GNB4: variants seen among roughly 807,000 people sequenced by gnomAD.
GNB4 encodes the protein G protein subunit beta 4.
GNB4 carries 28 observed loss-of-function variants against 45.2 expected under a neutral mutation model. The ratio of observed to expected loss-of-function variants is 0.62; its 90% CI spans 0.46 to 0.85. The LOEUF is 0.85. Among genes scored for constraint, GNB4 ranks in the 40% least tolerant of loss-of-function variants. The pLI is 0.00. For synonymous variants in GNB4, 132 were observed against 143.7 expected (o/e 0.92, Z 0.58); for missense variants, 321 against 425.4 (o/e 0.75, Z 2.16).
At chr3:179,521,803 C>CT in the GNB4 span, among the ~76,000 whole-genome samples, 1 of 150,850 alleles carries the variant, frequency 6.6e-6, no homozygotes, top group African/African-American at 2.4e-5. Flanking sequence ...TCATTCCATT[C>CT]TTTTTTAATT....
At chr3:179,499,615 G>GT in the GNB4 span, among the ~76,000 whole-genome samples, 5 of 152,198 alleles carry the variant, frequency 3.3e-5, no homozygotes, top group Non-Finnish European at 7.3e-5. Flanking sequence ...CCAGTAATGG[G>GT]ATTGCTGGGT....
intron 1 of GNB4, among the ~76,000 whole-genome samples, chr3:179,448,175 A>C (rs1715785079): frequency 6.6e-6 from 1 of 152,218 alleles, no homozygotes; most frequent in African/African-American, 2.4e-5. Context: ...TTTTTGAAGC[A>C]AAGCTGCATT....
At chr3:179,511,833 C>T in the GNB4 span, among the ~76,000 whole-genome samples, 1 of 152,226 alleles carries the variant, frequency 6.6e-6, no homozygotes, top group Non-Finnish European at 1.5e-5. Context: ...GTTATTTTGG[C>T]ATTGGTATAC....
At chr3:179,464,656 A>G in the GNB4 span, 1 of 1,104,736 alleles carries the variant, frequency 9.1e-7, no homozygotes. Context: ...ACAATTGTGA[A>G]ACCAGCTTCA....
chr3:179,430,852 T>C (rs540757386), intron 1 of GNB4, among the ~76,000 whole-genome samples: 3 of 152,144 alleles, frequency 2.0e-5, no homozygotes, highest in Admixed American at 1.3e-4. Context: ...GTCTTTTTAT[T>C]TATAAAATGT....
At chr3:179,418,030 T>C (rs908268567) in intron 4 of GNB4, among the ~76,000 whole-genome samples, 1 of 152,168 alleles carries the variant, frequency 6.6e-6, no homozygotes, top group Non-Finnish European at 1.5e-5. Context: ...ATGGTTTCAT[T>C]TTTCTATGAA....
At chr3:179,481,282 C>T in the GNB4 span, among the ~76,000 whole-genome samples, 1 of 152,186 alleles carries the variant, frequency 6.6e-6, no homozygotes, top group South Asian at 2.1e-4. Context: ...CAAAGACAGC[C>T]AAAGTCATTG....
the GNB4 span, among the ~76,000 whole-genome samples, chr3:179,486,839 A>G: frequency 1.3e-5 from 2 of 152,244 alleles, no homozygotes; most frequent in African/African-American, 4.8e-5. Context: ...TAAATCAATA[A>G]TTACAAAGTT....
At chr3:179,513,792 T>C in the GNB4 span, among the ~76,000 whole-genome samples, 2 of 152,124 alleles carry the variant, frequency 1.3e-5, no homozygotes, top group Non-Finnish European at 2.9e-5. Context: ...AGGAGTGGGG[T>C]AAAAATTTTA....
the GNB4 span, among the ~76,000 whole-genome samples, chr3:179,461,064 C>T: frequency 1.3e-5 from 2 of 152,048 alleles, no homozygotes; most frequent in African/African-American, 2.4e-5. Flanking sequence ...TTCAGCTCCT[C>T]GAGTTCCTTC....
intron 6 of GNB4, among the ~76,000 whole-genome samples, chr3:179,414,521 A>C (rs1714738473): frequency 6.6e-6 from 1 of 152,176 alleles, no homozygotes; most frequent in Admixed American, 6.5e-5. Context: ...AAAGCACTTC[A>C]CTAATGTACC....
Position 179,399,038 on chromosome 3 carries a change from G to A in GNB4, c.*2175C>T, listed in dbSNP as rs139380287. On this transcript the variant is annotated 3_prime_UTR_variant, in exon 10 of 10. Transcript: ENST00000232564. ...CTTACATATTTAAGGTTATTTTTAT[G>A]CATAATAGAATTGCTTTCTTCTGAC... 17 of 152,164 alleles carry A rather than the reference G, an allele frequency of 1.1e-4. No homozygotes were observed. Among genetic ancestry groups the A allele is most frequent in the African/African-American group, 3.9e-4 (16 of 41,518 alleles). 9.4% of individuals were successfully genotyped at this position (152,164 alleles called of 1,614,324 possible).
At chr3:179,404,718 T>G (rs1291392469) in intron 9 of GNB4, among the ~76,000 whole-genome samples, 4 of 152,200 alleles carry the variant, frequency 2.6e-5, no homozygotes, top group Admixed American at 6.5e-5. Flanking sequence ...GTATGACTTG[T>G]TATTAATGAC....
chr3:179,511,910 C>T, the GNB4 span, among the ~76,000 whole-genome samples: 1 of 152,140 alleles, frequency 6.6e-6, no homozygotes, highest in African/African-American at 2.4e-5. Context: ...TATGGTAGCC[C>T]ACTGGCCCCA....
the GNB4 span, among the ~76,000 whole-genome samples, chr3:179,474,719 A>G: frequency 6.8e-6 from 1 of 146,796 alleles, no homozygotes; most frequent in Non-Finnish European, 1.5e-5. Flanking sequence ...TTGCTGTAAC[A>G]GAATCCCAGA....
intron 6 of GNB4, 151 bp from the exon 7 acceptor site, chr3:179,413,932 A>C (rs1350889084): frequency 1.5e-6 from 1 of 652,446 alleles, no homozygotes; most frequent in Non-Finnish European, 2.6e-6. Context: ...GTTACTTCAA[A>C]TCCTACATTG....
At chr3:179,493,736 GT>G in the GNB4 span, among the ~76,000 whole-genome samples, 1 of 152,180 alleles carries the variant, frequency 6.6e-6, no homozygotes, top group African/African-American at 2.4e-5. Context: ...GGAGGAAGAA[GT>G]GAATGCACAG....
At chr3:179,465,420 G>T in the GNB4 span, 2 of 480,836 alleles carry the variant, frequency 4.2e-6, no homozygotes, top group South Asian at 4.2e-5. Flanking sequence ...TGGCTAACAT[G>T]GTGAAACCCC....
the GNB4 span, among the ~76,000 whole-genome samples, chr3:179,494,105 C>A: frequency 3.3e-5 from 5 of 152,132 alleles, no homozygotes; most frequent in African/African-American, 1.2e-4. Flanking sequence ...ACCTTGGAGA[C>A]CCACCTAGCT....
Sources: allele counts gnomAD v4.1 joint callset (sites outside exome capture counted in the v4.1 genomes callset), GRCh38; gene constraint gnomAD v4.1.1; transcripts MANE v1.5; gene names NCBI Gene and HGNC (gene_info 2026-07-23, HGNC 2026-07-21).